The following INCENP variants were observed in gnomAD, a reference collection of about 807,000 sequenced individuals.
INCENP encodes binds and activates aurora-B and -C in vivo and in vitro.
INCENP carries 43 observed loss-of-function variants against 107.3 expected under a neutral mutation model. That is an observed-to-expected ratio of 0.40 (90% confidence interval 0.31 to 0.52). The LOEUF is 0.52. INCENP is among the 20% of genes least tolerant of loss of function. The pLI is 0.53. For missense variants in INCENP, 1,089 were observed against 1,250.9 expected, an observed-to-expected ratio of 0.87 and a Z score of 1.95; for synonymous variants, 488 against 494.4, an observed-to-expected ratio of 0.99 and a Z score of 0.17.
chr11:62,137,560 G>A lies in INCENP; in HGVS notation c.1064-272G>A, dbSNP rs560901708. On this transcript the variant is annotated intron_variant, in intron 4 of 18. Coordinates refer to ENST00000394818, the MANE Select transcript of INCENP (RefSeq NM_001040694.2). ...TGCAGCAAACATTGTCCCTCTTCTC[G>A]AGATATTCCCAGCCCAGTGAAGGTG... Among the ~76,000 whole-genome samples, 4 of 152,272 alleles carry A rather than the reference G, an allele frequency of 2.6e-5. No homozygotes were observed. The East Asian group carries it at 5.8e-4, about 22-fold the overall frequency.
At chr11:62,124,748 C>A (rs1193250892) in intron 1 of INCENP, among the ~76,000 whole-genome samples, 1 of 152,114 alleles carries the variant, frequency 6.6e-6, no homozygotes, top group Non-Finnish European at 1.5e-5. Context: ...GTTAAGGGCA[C>A]GGTTTAAAGG....
At chr11:62,146,385 A>C (rs1944243068) in intron 14 of INCENP, among the ~76,000 whole-genome samples, 1 of 152,258 alleles carries the variant, frequency 6.6e-6, no homozygotes, top group African/African-American at 2.4e-5. Flanking sequence ...CAGAGGGTTT[A>C]AATGCTTGCC....
chr11:62,144,928 G>A lies in INCENP; in HGVS notation c.1606-54G>A, dbSNP rs898382. The A allele has an allele frequency of 4.1e-3, 6,103 of 1,502,626 alleles. 223 individuals carry two copies. The African/African-American group carries it at 0.075, about 19-fold the overall frequency. The allele number at this position is 1,502,626 out of a possible 1,614,324, so 93.1% of individuals were successfully genotyped here. On this transcript the variant is annotated intron_variant, in intron 11 of 18. Transcript: ENST00000394818. ...GGACTGTGGGCAGCTTTTGGGGCTGGGTGGGGGGTCGTCCTTGCTCATGTC... is the reference window on the plus strand; with the variant it reads ...GGACTGTGGGCAGCTTTTGGGGCTGAGTGGGGGGTCGTCCTTGCTCATGTC...
chr11:62,150,279 G>A (rs1201443868), intron 18 of INCENP, 72 bp downstream of exon 18: 5 of 1,531,326 alleles, frequency 3.3e-6, no homozygotes, highest in Non-Finnish European at 4.5e-6. Flanking sequence ...CCTGGAAGTA[G>A]TGGGTTGGCT....
intron 18 of INCENP, among the ~76,000 whole-genome samples, chr11:62,151,553 T>G (rs918203966): frequency 6.6e-6 from 1 of 152,092 alleles, no homozygotes; most frequent in Non-Finnish European, 1.5e-5. Context: ...AAGGACTTTG[T>G]AAGGTTAAGC....
Position 62,145,389 on chromosome 11 carries a change from T to A in INCENP, c.1836+100T>A. The A allele has an allele frequency of 2.0e-6, 3 of 1,528,670 alleles. No homozygotes were observed. The South Asian group carries it at 3.6e-5, about 18-fold the overall frequency. 94.7% of individuals were successfully genotyped at this position (1,528,670 alleles called of 1,614,324 possible). A position where few individuals can be genotyped will look rare whatever the true frequency, so the allele number is the denominator to read the frequency against. ...TTGCAGATTTGTCACTGTACCCCTG[T>A]ACCCATCTCCTGTCTGCCCCATGGG... On this transcript the variant is annotated intron_variant, in intron 13 of 18. Transcript: ENST00000394818.
At chr11:62,149,149 C>A (rs1366872279) in intron 17 of INCENP, among the ~76,000 whole-genome samples, 3 of 142,382 alleles carry the variant, frequency 2.1e-5, no homozygotes, top group Non-Finnish European at 4.8e-5. Flanking sequence ...ACCCTTTTAA[C>A]ACACACACAG....
chr11:62,134,342 G>T (rs1943947343), intron 4 of INCENP, among the ~76,000 whole-genome samples: 1 of 148,700 alleles, frequency 6.7e-6, no homozygotes. Context: ...GAACCCAGGA[G>T]GTCGAGGCTG....
Position 62,129,894 on chromosome 11 carries a change from C to T in INCENP, c.367C>T (p.Arg123Cys), listed in dbSNP as rs375511546. Residue 123 changes from arginine to cysteine, a missense_variant, in exon 4 of 19, where the codon CGT becomes TGT. By Grantham distance (180) the Arg-to-Cys change is radical. Coordinates refer to ENST00000394818, the MANE Select transcript of INCENP (RefSeq NM_001040694.2). Reference protein sequence around the residue: ...VVGENGSVLRRVTRAAAAAAA... With the variant: ...VVGENGSVLRCVTRAAAAAAA... ...CGGGGAGAACGGCTCCGTCCTGCGG[C>T]GTGTGACCCGTGCTGCGGCTGCAGC... 2.9e-5 allele frequency: 47 copies of T among 1,613,522 alleles called. No homozygotes were observed. Among genetic ancestry groups the T allele is most frequent in the Middle Eastern group, 3.3e-4 (2 of 6,080 alleles).
At position 62,145,702 on chromosome 11, in the gene INCENP, C is replaced by G. The variant is rs1468714627; in HGVS notation, c.1910C>G (p.Ala637Gly). The G allele has an allele frequency of 6.4e-7, 1 of 1,562,400 alleles. No homozygotes were observed. Among genetic ancestry groups the G allele is most frequent in the East Asian group, 2.4e-5 (1 of 41,924 alleles). ...GCCAAGAAGATGGAGGAGGTGGAAGCACGCAGGAAGCAGGAAGAGGAGGCA... is the reference window on the plus strand; with the variant it reads ...GCCAAGAAGATGGAGGAGGTGGAAGGACGCAGGAAGCAGGAAGAGGAGGCA... ...AAAKKMEEVE[A>G]RRKQEEEARR... is the part of the protein sequence containing the mutation. Residue 637 changes from alanine to glycine, a missense_variant, in exon 14 of 19, where the codon GCA becomes GGA. Physicochemically the swap from Ala to Gly is moderately conservative, Grantham distance 60. Coordinates refer to ENST00000394818, the MANE Select transcript of INCENP (RefSeq NM_001040694.2).
rs761984687 is a variant in INCENP, at chr11:62,151,960, G to C, written c.2741G>C (p.Ser914Thr). ...GARVPSSLAYSLKKH is the reference protein window; with the variant it reads ...GARVPSSLAYTLKKH ...AGGGTCCCCAGCAGCCTGGCCTACA[G>C]CCTGAAGAAGCACTGAGGCTGGCCT... Residue 914 changes from serine to threonine, a missense_variant, in exon 19 of 19, where the codon AGC becomes ACC. Transcript: ENST00000394818. 1.2e-6 allele frequency: 2 copies of C among 1,610,320 alleles called. No homozygotes were observed. The highest frequency in any genetic ancestry group is 1.7e-6 in the Non-Finnish European group (2 of 1,179,886).
chr11:62,150,261 T>G, intron 18 of INCENP, 54 bp downstream of exon 18: 1 of 1,577,750 alleles, frequency 6.3e-7, no homozygotes, highest in Non-Finnish European at 8.7e-7. Flanking sequence ...GGTCCTCACC[T>G]TGAGGGCCCT....
At chr11:62,148,993 C>T (rs887723268) in intron 17 of INCENP, 147 bp downstream of exon 17, 4 of 475,190 alleles carry the variant, frequency 8.4e-6, no homozygotes, top group Non-Finnish European at 1.5e-5. Flanking sequence ...TTTTTATATT[C>T]TTTGTTATTC....
rs1226470646 is a variant in INCENP, at chr11:62,152,100, G to A, written c.*124G>A. ...GCCATTGTGGAGGGCTTGGCCAGGT[G>A]TATATAAACGTCCTCTGTGCTGGGT... On this transcript the variant is annotated 3_prime_UTR_variant, in exon 19 of 19. Coordinates refer to ENST00000394818, the MANE Select transcript of INCENP (RefSeq NM_001040694.2). The A allele has an allele frequency of 1.1e-5, 5 of 451,092 alleles. No individual in the cohort carries two copies. Among genetic ancestry groups the A allele is most frequent in the South Asian group, 2.0e-5 (1 of 51,244 alleles). The allele number at this position is 451,092 out of a possible 1,614,324, so 27.9% of individuals were successfully genotyped here.
chr11:62,140,986 C>T lies in INCENP; in HGVS notation c.1535C>T (p.Pro512Leu). Reference sequence around the variant, plus strand: ...ATGCTCATGACCCCGACCTCAGCCCCACGCAGCGTCATGAAGTCCTTTATT... The same window carrying T: ...ATGCTCATGACCCCGACCTCAGCCCTACGCAGCGTCATGAAGTCCTTTATT... The part of the protein sequence containing the change: ...NQMLMTPTSA[P>L]RSVMKSFIKR... The change falls in exon 10 of 19, where the codon CCA becomes CTA. Residue 512 changes from proline (P) to leucine (L), a missense_variant. By Grantham distance (98) the Pro-to-Leu change is moderately conservative (BLOSUM62 -3). Coordinates refer to ENST00000394818, the MANE Select transcript of INCENP (RefSeq NM_001040694.2). The T allele has an allele frequency of 6.2e-7, 1 of 1,614,246 alleles. No individual in the cohort carries two copies. Among genetic ancestry groups the T allele is most frequent in the Non-Finnish European group, 8.5e-7 (1 of 1,180,046 alleles).
Position 62,148,480 on chromosome 11 carries a change from C to T in INCENP, c.2209C>T (p.Leu737=). The change falls in exon 16 of 19, where the codon CTG becomes TTG. Residue 737 remains leucine (L), a synonymous_variant. Coordinates refer to ENST00000394818, the MANE Select transcript of INCENP (RefSeq NM_001040694.2). Reference sequence around the variant, plus strand: ...AGGCTCTTGCTGGGTCCTCAGGGAGCTGCAGGAGCGGGAGAAGGCCCTGCG... The same window carrying T: ...AGGCTCTTGCTGGGTCCTCAGGGAGTTGCAGGAGCGGGAGAAGGCCCTGCG... ...EQERLQAERE[L]QEREKALRLQ... The T allele has an allele frequency of 6.2e-7, 1 of 1,601,810 alleles. No individual in the cohort carries two copies. The highest frequency in any genetic ancestry group is 8.5e-7 in the Non-Finnish European group (1 of 1,175,432).
chr11:62,133,429 C>T (rs896170148), intron 4 of INCENP, among the ~76,000 whole-genome samples: 2 of 151,952 alleles, frequency 1.3e-5, no homozygotes, highest in African/African-American at 2.4e-5. Context: ...TGGCCTGGTG[C>T]GCACGTGCCT....
At chr11:62,151,629 G>A in intron 18 of INCENP, 133 bp from the exon 19 acceptor site, 1 of 684,984 alleles carries the variant, frequency 1.5e-6, no homozygotes, top group Non-Finnish European at 2.5e-6. Context: ...GGTACAGGCA[G>A]GGGCAGGGCT....
chr11:62,140,296 G>A lies in INCENP; in HGVS notation c.1343+11G>A, dbSNP rs372144906. On this transcript the variant is annotated intron_variant, in intron 8 of 18. Transcript: ENST00000394818. ...ACCGCAGAGTGCCAGGTTTGCATCC[G>A]GGAAGGGGTGTGTAGGTAACTCTGA... is the stretch of plus-strand genomic sequence containing the variant. The A allele has an allele frequency of 1.8e-5, 29 of 1,611,976 alleles. No individual in the cohort carries two copies. In the East Asian group the frequency reaches 2.2e-4, roughly 12 times the overall value.
Sources: allele counts gnomAD v4.1 joint callset (sites outside exome capture counted in the v4.1 genomes callset), GRCh38; gene constraint gnomAD v4.1.1; transcripts MANE v1.5; gene names NCBI Gene and HGNC (gene_info 2026-07-23, HGNC 2026-07-21).